Variants in OR1M1 observed in about 807,000 individuals in gnomAD.
The protein encoded by OR1M1 is olfactory receptor family 1 subfamily M member 1, also known as olfactory receptor 1M1.
For synonymous variants in OR1M1, 157 were observed against 165.5 expected (o/e 0.95, Z 0.39); for missense variants, 397 against 401.8 (o/e 0.99, Z 0.10).
At position 9,093,580 on chromosome 19, in the gene OR1M1, C is replaced by T. The variant is rs757891606; in HGVS notation, c.336C>T (p.Ser112=). 5.6e-6 allele frequency: 9 copies of T among 1,614,096 alleles called. No individual in the cohort carries two copies. Among genetic ancestry groups the T allele is most frequent in the African/African-American group, 2.7e-5 (2 of 75,058 alleles). ...YFFHFFGIVD[S]VIIAMMAYDR... is the part of the protein sequence containing the mutation. ...TCCATTTCTTTGGCATCGTGGACAG[C>T]GTCATAATCGCCATGATGGCTTATG... is the stretch of plus-strand genomic sequence containing the variant. Residue 112 remains serine, a synonymous_variant, in exon 2 of 2, where the codon AGC becomes AGT. Transcript: ENST00000641627.
intron 1 of OR1M1, among the ~76,000 whole-genome samples, chr19:9,090,137 T>A (rs2050284873): frequency 6.6e-6 from 1 of 152,198 alleles, no homozygotes; most frequent in Admixed American, 6.5e-5. Context: ...TTCATGCGTA[T>A]ATGGAACAAT....
In OR1M1 at chr19:9,093,927, TC is replaced by T; in HGVS notation, c.687del (p.Ser230LeufsTer40). On this transcript the variant is annotated frameshift_variant, in exon 2 of 2. Coordinates refer to ENST00000641627, the MANE Select transcript of OR1M1 (RefSeq NM_001004456.2). LOFTEE classifies it low-confidence loss of function (END_TRUNC). ...CGCATCCTTGTGGCCATCATGAAGG[TC>T]CCCTCTGCAGGCGGCAGGAAGAAAG... ...YARILVAIMK[V>X]PSAGGRKKAF... is the part of the protein sequence containing the mutation. The T allele has an allele frequency of 6.2e-7, 1 of 1,614,076 alleles. No individual in the cohort carries two copies. Among genetic ancestry groups the T allele is most frequent in the Non-Finnish European group, 8.5e-7 (1 of 1,180,026 alleles).
intron 1 of OR1M1, among the ~76,000 whole-genome samples, chr19:9,090,865 C>T (rs1005691805): frequency 6.6e-6 from 1 of 151,464 alleles, no homozygotes; most frequent in Non-Finnish European, 1.5e-5. Context: ...CTGGAAATGA[C>T]TATAAAAATA....
intron 1 of OR1M1, 24 bp from the exon 2 acceptor site, chr19:9,093,208 A>G (rs1347277285): frequency 6.2e-6 from 9 of 1,452,582 alleles, no homozygotes; most frequent in Non-Finnish European, 8.5e-6. Flanking sequence ...TCATTCCTAT[A>G]ACCTCCCCTT....
At position 9,094,488 on chromosome 19, in the gene OR1M1, A is replaced by G. The variant is rs1013426846; in HGVS notation, c.*302A>G. ...AGTACTTCCCCCTCAGCCTCCTAAC[A>G]TCCTAGGATTACAGGTGTGAGCTAC... is the stretch of plus-strand genomic sequence containing the variant. On this transcript the variant is annotated 3_prime_UTR_variant, in exon 2 of 2. Coordinates refer to ENST00000641627, the MANE Select transcript of OR1M1 (RefSeq NM_001004456.2). 2.4e-5 allele frequency: 6 copies of G among 245,224 alleles called. No homozygotes were observed. The highest frequency in any genetic ancestry group is 2.0e-4 in the Admixed American group (4 of 20,258). The allele number at this position is 245,224 out of a possible 1,614,324, so 15.2% of individuals were successfully genotyped here. A position where few individuals can be genotyped will look rare whatever the true frequency, so the allele number is the denominator to read the frequency against.
chr19:9,092,001 A>C (rs1394087734), intron 1 of OR1M1, among the ~76,000 whole-genome samples: 1 of 149,852 alleles, frequency 6.7e-6, no homozygotes, highest in Non-Finnish European at 1.5e-5. Flanking sequence ...CCTCTGCTCC[A>C]AGGGTCAAGC....
At chr19:9,088,546 A>C (rs1007452651) in intron 1 of OR1M1, among the ~76,000 whole-genome samples, 12 of 152,156 alleles carry the variant, frequency 7.9e-5, no homozygotes, top group African/African-American at 2.7e-4. Flanking sequence ...TGATTCCATT[A>C]GTAGTTTAAT....
At position 9,094,417 on chromosome 19, in the gene OR1M1, G is replaced by T. The variant is rs999736798; in HGVS notation, c.*231G>T. 1 of 391,676 alleles carries T rather than the reference G, an allele frequency of 2.6e-6. No homozygotes were observed. Among genetic ancestry groups the T allele is most frequent in the South Asian group, 5.3e-5 (1 of 18,702 alleles). The allele number at this position is 391,676 out of a possible 1,614,324, so 24.3% of individuals were successfully genotyped here. A position where few individuals can be genotyped will look rare whatever the true frequency, so the allele number is the denominator to read the frequency against. On this transcript the variant is annotated 3_prime_UTR_variant, in exon 2 of 2. Transcript: ENST00000641627. ...TGTGCATTGTTTTACTAGAGACAGG[G>T]TCTCACTAATTTGGCCAGGCTGGTC...
At chr19:9,089,839 C>T (rs899992325) in intron 1 of OR1M1, among the ~76,000 whole-genome samples, 6 of 152,122 alleles carry the variant, frequency 3.9e-5, no homozygotes, top group African/African-American at 1.4e-4. Flanking sequence ...CCAAGCTCCT[C>T]ATAATCTGAT....
At position 9,093,957 on chromosome 19, in the gene OR1M1, T is replaced by C. The variant is rs754641280; in HGVS notation, c.713T>C (p.Phe238Ser). The change falls in exon 2 of 2, where the codon TTC (phenylalanine) becomes TCC (serine). Residue 238 changes from phenylalanine to serine, a missense_variant. By Grantham distance (155) the Phe-to-Ser change is radical. Transcript: ENST00000641627. Reference sequence around the variant, plus strand: ...TCTGCAGGCGGCAGGAAGAAAGCCTTCTCCACCTGCAGCTCCCACCTGTCT... The same window carrying C: ...TCTGCAGGCGGCAGGAAGAAAGCCTCCTCCACCTGCAGCTCCCACCTGTCT... ...VPSAGGRKKA[F>S]STCSSHLSVV... The C allele has an allele frequency of 7.4e-6, 12 of 1,614,106 alleles. 1 individual carries two copies. Among genetic ancestry groups the C allele is most frequent in the Non-Finnish European group, 1.0e-5 (12 of 1,180,020 alleles).
chr19:9,094,160 A>G lies in OR1M1; in HGVS notation c.916A>G (p.Asn306Asp), dbSNP rs762987377. Reference protein sequence around the residue: ...DLKGALRKLVNRKITSSS With the variant: ...DLKGALRKLVDRKITSSS ...GAAAGGGGCTCTCAGGAAGCTGGTC[A>G]ACAGAAAGATCACCTCATCTTCCTG... The change falls in exon 2 of 2, where the codon AAC becomes GAC. Residue 306 changes from asparagine (N) to aspartate (D), a missense_variant. Transcript: ENST00000641627. The G allele has an allele frequency of 1.2e-6, 2 of 1,610,034 alleles. No individual in the cohort carries two copies. The highest frequency in any genetic ancestry group is 2.2e-5 in the South Asian group (2 of 91,032).
In OR1M1 at chr19:9,094,696, T is replaced by C. The variant is rs1404234846; in HGVS notation, c.*510T>C. ...CTAGGACCATAGGCACATACCACCA[T>C]GCTCAGCTAATTTTTGTATCTTTTG... On this transcript the variant is annotated 3_prime_UTR_variant, in exon 2 of 2. Transcript: ENST00000641627. The C allele has an allele frequency of 6.5e-6, 1 of 153,116 alleles. No individual in the cohort carries two copies. Among genetic ancestry groups the C allele is most frequent in the East Asian group, 1.9e-4 (1 of 5,186 alleles). The allele number at this position is 153,116 out of a possible 1,614,324, so 9.5% of individuals were successfully genotyped here.
chr19:9,091,879 A>G (rs1167004464), intron 1 of OR1M1, among the ~76,000 whole-genome samples: 2 of 151,994 alleles, frequency 1.3e-5, no homozygotes, highest in East Asian at 3.9e-4. Flanking sequence ...GAAGAAAGAA[A>G]AGAGGGAAAG....
rs368197862 is a variant in OR1M1, at chr19:9,093,680, G to A, written c.436G>A (p.Gly146Ser). ...CCTACGCCTCTGTCGCCTGCTGGTC[G>A]GCGCCCTCTGGGCGTTTTCCTGCTT... The part of the protein sequence containing the change: ...MSLRLCRLLV[G>S]ALWAFSCFIS... The change falls in exon 2 of 2, where the codon GGC becomes AGC. Residue 146 changes from glycine to serine, a missense_variant. Transcript: ENST00000641627. 41 of 1,613,970 alleles carry A rather than the reference G, an allele frequency of 2.5e-5. No homozygotes were observed. The highest frequency in any genetic ancestry group is 6.7e-5 in the African/African-American group (5 of 74,936).
intron 1 of OR1M1, among the ~76,000 whole-genome samples, chr19:9,089,689 T>A (rs973363186): frequency 4.6e-5 from 7 of 152,252 alleles, no homozygotes; most frequent in African/African-American, 1.7e-4. Context: ...CCTCCCAAAG[T>A]GCTGGGATTA....
Position 9,093,814 on chromosome 19 carries a change from G to T in OR1M1, c.570G>T (p.Thr190=), listed in dbSNP as rs139852545. ...DLTPILRLSC[T]DTSVNRIFIL... ...CTCCCATCCTCCGACTTTCGTGCAC[G>T]GACACCTCTGTGAATAGGATCTTCA... Residue 190 remains threonine (T), a synonymous_variant, in exon 2 of 2, where the codon ACG becomes ACT. Coordinates refer to ENST00000641627, the MANE Select transcript of OR1M1 (RefSeq NM_001004456.2). The T allele has an allele frequency of 3.1e-6, 5 of 1,613,964 alleles. No individual in the cohort carries two copies. The African/African-American group carries it at 6.7e-5, about 22-fold the overall frequency.
chr19:9,088,055 T>C (rs1242526215), intron 1 of OR1M1, among the ~76,000 whole-genome samples: 1 of 151,988 alleles, frequency 6.6e-6, no homozygotes, highest in Non-Finnish European at 1.5e-5. Context: ...CACACCCAGC[T>C]AATTTTTGTA....
intron 1 of OR1M1, 31 bp downstream of exon 1, chr19:9,087,188 A>G (rs1457235319): frequency 8.1e-6 from 1 of 123,140 alleles, no homozygotes; most frequent in East Asian, 2.6e-4. Flanking sequence ...AGAGAGAGAG[A>G]GAGACTGAAC....
rs145395343 is a variant in OR1M1 at position 9,093,738 on chromosome 19, G to T, written c.494G>T (p.Arg165Leu). Residue 165 changes from arginine to leucine, a missense_variant, in exon 2 of 2, where the codon CGT becomes CTT. Arg to Leu is a moderately radical substitution (Grantham distance 102, BLOSUM62 -2). Transcript: ENST00000641627. ...ISLTHILLMA[R>L]LVFCGSHEVP... ...CTCACTCACATCCTCCTGATGGCCC[G>T]TCTCGTTTTCTGCGGCAGCCATGAG... The T allele has an allele frequency of 1.2e-6, 2 of 1,613,952 alleles. No homozygotes were observed. Among genetic ancestry groups the T allele is most frequent in the East Asian group, 4.5e-5 (2 of 44,870 alleles).
Sources: gnomAD v4.1 joint callset for allele counts (sites outside exome capture counted in the v4.1 genomes callset) on GRCh38, gnomAD v4.1.1 for gene constraint, MANE v1.5 for transcripts, NCBI Gene and HGNC (gene_info 2026-07-23, HGNC 2026-07-21) for gene names.